CUX2: variants seen among roughly 807,000 people sequenced by gnomAD.
CUX2 encodes the protein homeobox protein cut-like 2.
CUX2 carries 40 observed loss-of-function variants against 144.8 expected under a neutral mutation model. The ratio of observed to expected loss-of-function variants is 0.28; its 90% CI spans 0.21 to 0.36. The LOEUF (loss-of-function observed/expected upper bound fraction) is 0.36. CUX2 is among the 10% of genes least tolerant of loss of function. CUX2 has a pLI of 1.00. For synonymous variants in CUX2, 827 were observed against 875.6 expected, an observed-to-expected ratio of 0.94 and a Z score of 0.98; for missense variants, 1,615 against 1,994.0, an observed-to-expected ratio of 0.81 and a Z score of 3.62.
At chr12:111,138,900 C>T (rs1876110116) in intron 1 of CUX2, among the ~76,000 whole-genome samples, 1 of 152,034 alleles carries the variant, frequency 6.6e-6, no homozygotes, top group Admixed American at 6.6e-5. Flanking sequence ...ACTGGACTCT[C>T]GCTGAGCCCA....
intron 1 of CUX2, among the ~76,000 whole-genome samples, chr12:111,098,720 C>T (rs1265582197): frequency 4.0e-5 from 6 of 149,562 alleles, no homozygotes; most frequent in Admixed American, 6.6e-5. Flanking sequence ...TCACCTCCCT[C>T]TCTCTAGCAA....
chr12:111,267,924 C>T (rs756526498), intron 4 of CUX2, among the ~76,000 whole-genome samples: 2 of 152,128 alleles, frequency 1.3e-5, no homozygotes, highest in African/African-American at 4.8e-5. Flanking sequence ...TGGGCTCAAA[C>T]AATCTTCCTG....
At position 111,255,468 on chromosome 12, in the gene CUX2, C is replaced by T. The variant is rs1161777074; in HGVS notation, c.223-8293C>T. 3.9e-5 allele frequency among the ~76,000 whole-genome samples: 6 copies of T among 152,240 alleles called. No homozygotes were observed. The highest frequency in any genetic ancestry group is 3.9e-4 in the Admixed American group (6 of 15,280). ...GGCAGGGTTGAGTCCTGCAGCTCCT[C>T]CTGGCCTCCCGTCCCCCACCTACCT... On this transcript the variant is annotated intron_variant, in intron 3 of 21. Transcript: ENST00000261726. This position sits in a 1 kb window ranked among gnomAD's most constrained non-coding sequence, Gnocchi z 4.1.
Position 111,289,601 on chromosome 12 carries a change from G to A in CUX2, c.302-1817G>A, listed in dbSNP as rs1885566590. On this transcript the variant is annotated intron_variant, in intron 4 of 21. Transcript: ENST00000261726. The surrounding 1 kb of genome is among the most constrained non-coding windows in gnomAD (Gnocchi z 4.1). ...GTGAGGCAGGACTCCAGAGTGTAAG[G>A]AAGCGGATGTGCTTGCGGTGTAAAG... 6.6e-6 allele frequency among the ~76,000 whole-genome samples: 1 copy of A among 152,194 alleles called. No homozygotes were observed. Among genetic ancestry groups the A allele is most frequent in the Non-Finnish European group, 1.5e-5 (1 of 68,036 alleles).
At chr12:111,347,405 G>C (rs1888850439) in intron 21 of CUX2, 119 bp from the exon 22 acceptor site, 3 of 867,280 alleles carry the variant, frequency 3.5e-6, no homozygotes, top group South Asian at 1.6e-5. Context: ...AAGTATGGAG[G>C]CTTAGTGCCT....
In CUX2 at chr12:111,227,972, C is replaced by T. The variant is rs187902276; in HGVS notation, c.222+10035C>T. Reference sequence around the variant, plus strand: ...GATGGACCCACACACCCCTACACAGCGCCAGCGGCAATCACGTTACGGTTG... The same window carrying T: ...GATGGACCCACACACCCCTACACAGTGCCAGCGGCAATCACGTTACGGTTG... On this transcript the variant is annotated intron_variant, in intron 3 of 21. Transcript: ENST00000261726. Among the ~76,000 whole-genome samples the T allele has an allele frequency of 2.0e-5, 3 of 152,170 alleles. No individual in the cohort carries two copies. In the East Asian group the frequency reaches 5.8e-4, roughly 29 times the overall value.
At chr12:111,166,458 C>T (rs1297830620) in intron 1 of CUX2, among the ~76,000 whole-genome samples, 1 of 152,226 alleles carries the variant, frequency 6.6e-6, no homozygotes, top group Non-Finnish European at 1.5e-5. Flanking sequence ...CCCAAACTAA[C>T]ATTTATTGAG....
intron 1 of CUX2, among the ~76,000 whole-genome samples, chr12:111,153,315 A>G (rs1461202918): frequency 6.6e-6 from 1 of 152,244 alleles, no homozygotes; most frequent in Non-Finnish European, 1.5e-5. Flanking sequence ...GTGGCGACCA[A>G]GACAGATTTA....
At chr12:111,325,491 A>C (rs2136412229) in intron 18 of CUX2, among the ~76,000 whole-genome samples, 1 of 152,308 alleles carries the variant, frequency 6.6e-6, no homozygotes, top group South Asian at 2.1e-4. Context: ...GCCATCATCC[A>C]GTGAGTGGCA....
chr12:111,252,388 C>T (rs528714729), intron 3 of CUX2, among the ~76,000 whole-genome samples: 7 of 152,284 alleles, frequency 4.6e-5, no homozygotes, highest in African/African-American at 1.7e-4. Context: ...CAGGTCTCCT[C>T]ACCCCCAGGC....
intron 1 of CUX2, among the ~76,000 whole-genome samples, chr12:111,104,542 C>T (rs921784232): frequency 6.6e-6 from 1 of 152,240 alleles, no homozygotes; most frequent in Non-Finnish European, 1.5e-5. Context: ...AATTCCAGCT[C>T]TTCACCCTCT....
chr12:111,238,309 G>A (rs1179319712), intron 3 of CUX2, among the ~76,000 whole-genome samples: 8 of 152,154 alleles, frequency 5.3e-5, no homozygotes, highest in South Asian at 4.1e-4. Context: ...GGTCCCTCAC[G>A]GTGCCTGACA....
chr12:111,230,608 C>A (rs1179415268), intron 3 of CUX2, among the ~76,000 whole-genome samples: 1 of 152,228 alleles, frequency 6.6e-6, no homozygotes, highest in African/African-American at 2.4e-5. Flanking sequence ...TGGGTCCCAG[C>A]TCACAGTGGC....
At position 111,310,824 on chromosome 12, in the gene CUX2, C is replaced by A; in HGVS notation, c.1900+142C>A. 1 of 873,682 alleles carries A rather than the reference C, an allele frequency of 1.1e-6. No homozygotes were observed. The allele number at this position is 873,682 out of a possible 1,614,324, so 54.1% of individuals were successfully genotyped here. On this transcript the variant is annotated intron_variant, in intron 15 of 21. Coordinates refer to ENST00000261726, the MANE Select transcript of CUX2 (RefSeq NM_015267.4). This position sits in a 1 kb window ranked among gnomAD's most constrained non-coding sequence, Gnocchi z 7.9. ...GTGTGACCCAGGGCCAGTGGCTTTG[C>A]CTGTCTGTGCCTCAGTTTCCCCTCT...
At chr12:111,334,797 A>G in intron 19 of CUX2, 87 bp downstream of exon 19, 2 of 1,414,358 alleles carry the variant, frequency 1.4e-6, no homozygotes, top group Non-Finnish European at 1.9e-6. Flanking sequence ...GCTGGGACCC[A>G]GTGGCTCATA....
At chr12:111,306,441 T>C (rs1886586183) in intron 10 of CUX2, among the ~76,000 whole-genome samples, 1 of 151,962 alleles carries the variant, frequency 6.6e-6, no homozygotes, top group African/African-American at 2.4e-5. Flanking sequence ...AGAGGGTCCA[T>C]TTCCTAAAAT....
intron 19 of CUX2, among the ~76,000 whole-genome samples, 196 bp from the exon 20 acceptor site, chr12:111,338,090 A>G (rs1309985786): frequency 6.6e-6 from 1 of 151,296 alleles, no homozygotes; most frequent in Admixed American, 6.6e-5. Context: ...CCTGCCCCCA[A>G]ATCTCTTTTA....
chr12:111,172,053 G>A (rs1460118755), intron 1 of CUX2, among the ~76,000 whole-genome samples: 1 of 151,898 alleles, frequency 6.6e-6, no homozygotes, highest in Non-Finnish European at 1.5e-5. Context: ...GTATACATGT[G>A]CATGTGCACA....
At chr12:111,162,735 G>T (rs1171068256) in intron 1 of CUX2, among the ~76,000 whole-genome samples, 3 of 152,202 alleles carry the variant, frequency 2.0e-5, no homozygotes, top group Admixed American at 6.5e-5. Flanking sequence ...GATTAGCAGA[G>T]AGACGAAGAG....
Sources: gnomAD v4.1 joint callset for allele counts (sites outside exome capture counted in the v4.1 genomes callset) on GRCh38, gnomAD v4.1.1 for gene constraint, Gnocchi (gnomAD v3.1) non-coding constraint, MANE v1.5 for transcripts, NCBI Gene and HGNC (gene_info 2026-07-23, HGNC 2026-07-21) for gene names.